The following SLC35F1 variants were observed in gnomAD, a reference collection of about 807,000 sequenced individuals.
SLC35F1 encodes solute carrier family 35 member F1.
SLC35F1 carries 14 observed loss-of-function variants against 48.7 expected under a neutral mutation model. The observed-to-expected ratio is 0.29, with a 90% CI of 0.19 to 0.45. The LOEUF is 0.45. Ranked by LOEUF, SLC35F1 falls within the 20% of genes least tolerant of loss-of-function variation. The pLI, the probability that SLC35F1 is intolerant of heterozygous loss-of-function variation, is 1.00. For synonymous variants in SLC35F1, 190 were observed against 202.2 expected (o/e 0.94, Z 0.51); for missense variants, 404 against 500.0 (o/e 0.81, Z 1.83).
chr6:118,194,296 A>G (rs1774771663), intron 2 of SLC35F1, among the ~76,000 whole-genome samples: 1 of 152,118 alleles, frequency 6.6e-6, no homozygotes, highest in South Asian at 2.1e-4. Flanking sequence ...TTGTTCATGG[A>G]GGGGAAAAGA....
At chr6:118,233,211 C>T (rs1470817500) in intron 2 of SLC35F1, among the ~76,000 whole-genome samples, 4 of 152,282 alleles carry the variant, frequency 2.6e-5, no homozygotes, top group East Asian at 1.9e-4. Flanking sequence ...GTGATCTGCC[C>T]GCCTCAGCCT....
chr6:118,000,060 A>G (rs1582610235), intron 1 of SLC35F1, among the ~76,000 whole-genome samples: 1 of 152,142 alleles, frequency 6.6e-6, no homozygotes, highest in Non-Finnish European at 1.5e-5. Flanking sequence ...AACTATTCCA[A>G]TCAATAGAAA....
At position 117,929,397 on chromosome 6, in the gene SLC35F1, A is replaced by G. The variant is rs186047045; in HGVS notation, c.173+21498A>G. Among the ~76,000 whole-genome samples, 423 of 151,400 alleles carry G rather than the reference A, an allele frequency of 2.8e-3. 1 individual carries two copies. The highest frequency in any genetic ancestry group is 9.2e-3 in the African/African-American group (378 of 41,216). On this transcript the variant is annotated intron_variant, in intron 1 of 7. Transcript: ENST00000360388. The stretch of plus-strand genomic sequence containing the variant: ...ATAGGATCTATCTATCTATCTATCT[A>G]CTATATTTATATGTAAGTATAATAT...
At chr6:118,262,621 A>T (rs1775726923) in intron 3 of SLC35F1, among the ~76,000 whole-genome samples, 1 of 152,144 alleles carries the variant, frequency 6.6e-6, no homozygotes, top group Admixed American at 6.6e-5. Flanking sequence ...TTCTAATACT[A>T]ATTTGCTTTT....
intron 7 of SLC35F1, among the ~76,000 whole-genome samples, chr6:118,296,839 G>T (rs539314259): frequency 6.6e-6 from 1 of 152,292 alleles, no homozygotes; most frequent in South Asian, 2.1e-4. Context: ...CAGCCTGGCC[G>T]TTCAGTCGTA....
chr6:118,095,024 C>T (rs146869004), intron 1 of SLC35F1, among the ~76,000 whole-genome samples: 11 of 151,070 alleles, frequency 7.3e-5, no homozygotes, highest in East Asian at 2.0e-4. Context: ...TCGAGCTACT[C>T]GAGAGGCTGA....
At chr6:118,126,391 G>A (rs1582679941) in intron 1 of SLC35F1, among the ~76,000 whole-genome samples, 1 of 152,288 alleles carries the variant, frequency 6.6e-6, no homozygotes, top group East Asian at 1.9e-4. Flanking sequence ...TAGGCTTGTA[G>A]TATAGTTTGA....
At chr6:118,065,592 A>T (rs114255030) in intron 1 of SLC35F1, among the ~76,000 whole-genome samples, 2,216 of 152,328 alleles carry the variant, frequency 0.015, 62 homozygotes, top group African/African-American at 0.05. Context: ...AAAGCTGCAT[A>T]AAAAACCTGT....
intron 1 of SLC35F1, among the ~76,000 whole-genome samples, chr6:117,920,061 G>A (rs986389283): frequency 1.3e-5 from 2 of 152,246 alleles, no homozygotes; most frequent in African/African-American, 4.8e-5. Flanking sequence ...AGCGGGCTCA[G>A]TGGAGCTCTT....
intron 1 of SLC35F1, among the ~76,000 whole-genome samples, chr6:118,076,863 T>A (rs1047369062): frequency 6.6e-6 from 1 of 152,188 alleles, no homozygotes; most frequent in Non-Finnish European, 1.5e-5. Context: ...GTAATTATTG[T>A]AGGCTTAGAC....
At chr6:118,269,605 T>C (rs768238155) in intron 4 of SLC35F1, among the ~76,000 whole-genome samples, 1 of 152,182 alleles carries the variant, frequency 6.6e-6, no homozygotes, top group East Asian at 1.9e-4. Context: ...CTAAAATTGT[T>C]ACATATCATT....
At chr6:118,002,303 G>A (rs1777111452) in intron 1 of SLC35F1, among the ~76,000 whole-genome samples, 1 of 152,168 alleles carries the variant, frequency 6.6e-6, no homozygotes. Flanking sequence ...CCTTTGTAGG[G>A]ACATGGATGA....
intron 1 of SLC35F1, among the ~76,000 whole-genome samples, chr6:118,034,219 A>C (rs905678371): frequency 6.6e-6 from 1 of 152,116 alleles, no homozygotes; most frequent in African/African-American, 2.4e-5. Flanking sequence ...CATCTTAAAA[A>C]TATAAAACCT....
In SLC35F1 at chr6:118,286,775, C is replaced by CTGTGTGTG. The variant is rs372641234; in HGVS notation, c.1002+1459_1002+1466dup. 6.3e-5 allele frequency among the ~76,000 whole-genome samples: 9 copies of CTGTGTGTG among 143,682 alleles called. No homozygotes were observed. In the South Asian group the frequency reaches 9.0e-4, roughly 14 times the overall value. 94.3% of individuals were successfully genotyped at this position (143,682 alleles called of 152,430 possible). A position where few individuals can be genotyped will look rare whatever the true frequency, so the allele number is the denominator to read the frequency against. On this transcript the variant is annotated intron_variant, in intron 7 of 7. Coordinates refer to ENST00000360388, the MANE Select transcript of SLC35F1 (RefSeq NM_001029858.4). The stretch of plus-strand genomic sequence containing the variant: ...ATCACCTCACATAGTTACCTTTTTT[C>CTGTGTGTG]TGTGTGTGTGTGTGTGTGTGTGTGT...
At chr6:118,147,111 T>A (rs2114454431) in intron 1 of SLC35F1, among the ~76,000 whole-genome samples, 1 of 152,270 alleles carries the variant, frequency 6.6e-6, no homozygotes, top group Non-Finnish European at 1.5e-5. Context: ...GGGTACACAC[T>A]GAGAACCTTG....
chr6:118,083,754 C>T (rs1772945276), intron 1 of SLC35F1, among the ~76,000 whole-genome samples: 1 of 152,166 alleles, frequency 6.6e-6, no homozygotes, highest in Admixed American at 6.5e-5. Context: ...TACAGATGAA[C>T]AATAATTTGC....
chr6:118,269,248 A>G (rs1019366542), intron 4 of SLC35F1, among the ~76,000 whole-genome samples: 2 of 152,226 alleles, frequency 1.3e-5, no homozygotes, highest in African/African-American at 4.8e-5. Flanking sequence ...TTAAAAAAAC[A>G]ATGTAGATGT....
chr6:117,927,375 G>A (rs1776042460), intron 1 of SLC35F1, among the ~76,000 whole-genome samples: 1 of 152,100 alleles, frequency 6.6e-6, no homozygotes, highest in African/African-American at 2.4e-5. Flanking sequence ...TATTATGTAG[G>A]CATCACATTT....
At chr6:117,915,884 G>C (rs9654611) in intron 1 of SLC35F1, among the ~76,000 whole-genome samples, 16,180 of 152,182 alleles carry the variant, frequency 0.11, 2,051 homozygotes, top group African/African-American at 0.3. Flanking sequence ...AGGACGGAGA[G>C]GGAAGTGCTC....
Sources: gnomAD v4.1 joint callset for allele counts (sites outside exome capture counted in the v4.1 genomes callset) on GRCh38, gnomAD v4.1.1 for gene constraint, MANE v1.5 for transcripts, NCBI Gene and HGNC (gene_info 2026-07-23, HGNC 2026-07-21) for gene names.